Variants in PTH2R observed in about 807,000 individuals in gnomAD.
PTH2R encodes the protein parathyroid hormone 2 receptor, also known as PTH2 receptor.
Under a neutral mutation model 60.3 loss-of-function variants are expected in PTH2R, and 59 were observed. That is an observed-to-expected ratio of 0.98 (90% CI 0.79 to 1.22). PTH2R has a LOEUF of 1.22. Ranked by LOEUF, PTH2R falls within the 50% of genes most tolerant of loss-of-function variation. PTH2R has a pLI of 0.00. For synonymous variants in PTH2R, 256 were observed against 243.8 expected (o/e 1.05, Z -0.47); for missense variants, 749 against 682.6 (o/e 1.10, Z -1.08).
At chr2:208,434,392 GAGCAA>G (rs924371591) in intron 2 of PTH2R, among the ~76,000 whole-genome samples, 2 of 151,934 alleles carry the variant, frequency 1.3e-5, no homozygotes, top group Admixed American at 6.6e-5. Context: ...CTTTGTCAAA[GAGCAA>G]CCAAAAAAAT....
At chr2:208,409,065 G>A (rs1213955050) in intron 1 of PTH2R, among the ~76,000 whole-genome samples, 1 of 152,064 alleles carries the variant, frequency 6.6e-6, no homozygotes, top group Non-Finnish European at 1.5e-5. Flanking sequence ...TACATAGTTT[G>A]GAAGGCAAAA....
intron 1 of PTH2R, among the ~76,000 whole-genome samples, chr2:208,362,389 A>ATAGATAT (rs1700492365): frequency 1.3e-5 from 2 of 152,210 alleles, no homozygotes; most frequent in African/African-American, 4.8e-5. Flanking sequence ...TCAATCCCAT[A>ATAGATAT]GATAAATAGA....
At chr2:208,461,790 A>G (rs973060577) in intron 9 of PTH2R, among the ~76,000 whole-genome samples, 5 of 152,200 alleles carry the variant, frequency 3.3e-5, no homozygotes, top group African/African-American at 9.6e-5. Context: ...CACTCACATC[A>G]TCACCATGGA....
chr2:208,379,512 C>T (rs1004626685), intron 1 of PTH2R, among the ~76,000 whole-genome samples: 5 of 152,056 alleles, frequency 3.3e-5, no homozygotes, highest in South Asian at 2.1e-4. Context: ...ATCAAAAAGG[C>T]GAAGCAATGA....
chr2:208,440,378 T>C lies in PTH2R; in HGVS notation c.412-1986T>C, dbSNP rs61684886. Among the ~76,000 whole-genome samples the C allele has an allele frequency of 6.5e-3, 996 of 152,352 alleles. 9 individuals are homozygous for C. The highest frequency in any genetic ancestry group is 0.023 in the African/African-American group (942 of 41,590). ...CTCCTCTCTTTTATGTTTTACACAT[T>C]ATTCAAATATTTTCTATGAAAAGTT... is the stretch of plus-strand genomic sequence containing the variant. On this transcript the variant is annotated intron_variant, in intron 4 of 12. Coordinates refer to ENST00000272847, the MANE Select transcript of PTH2R (RefSeq NM_005048.4).
intron 12 of PTH2R, among the ~76,000 whole-genome samples, chr2:208,492,443 G>A (rs1703424752): frequency 6.6e-6 from 1 of 152,184 alleles, no homozygotes. Flanking sequence ...GGGAGGTGGA[G>A]TGTAAGGGCT....
At chr2:208,360,319 C>A in intron 1 of PTH2R, 1 of 326,142 alleles carries the variant, frequency 3.1e-6, no homozygotes, top group Non-Finnish European at 6.2e-6. Flanking sequence ...TAGGAACTTT[C>A]GCCACACCCG....
intron 1 of PTH2R, among the ~76,000 whole-genome samples, chr2:208,364,070 T>C (rs1700532649): frequency 6.6e-6 from 1 of 152,200 alleles, no homozygotes; most frequent in Non-Finnish European, 1.5e-5. Flanking sequence ...AAAAATAGAG[T>C]AATTTGATTA....
In PTH2R at chr2:208,457,271, G is replaced by T. The variant is rs374324037; in HGVS notation, c.915-2624G>T. On this transcript the variant is annotated intron_variant, in intron 8 of 12. Transcript: ENST00000272847. ...AGTAACATTGTCTTTTATCTTTCTT[G>T]TCTGGTTAAATAATGTGAAAAACAG... Among the ~76,000 whole-genome samples the T allele has an allele frequency of 1.6e-4, 25 of 152,246 alleles. No individual in the cohort carries two copies. The East Asian group carries it at 3.3e-3, about 20-fold the overall frequency.
intron 8 of PTH2R, among the ~76,000 whole-genome samples, chr2:208,457,679 G>C (rs1195386608): frequency 6.6e-6 from 1 of 152,320 alleles, no homozygotes; most frequent in African/African-American, 2.4e-5. Flanking sequence ...GGTGTTATCT[G>C]TAAGGAGAGG....
At chr2:208,419,632 T>C (rs1271372852) in intron 1 of PTH2R, among the ~76,000 whole-genome samples, 1 of 152,242 alleles carries the variant, frequency 6.6e-6, no homozygotes, top group Non-Finnish European at 1.5e-5. Context: ...CCCTAGGTTT[T>C]CTTCTAGGGT....
At position 208,371,183 on chromosome 2, in the gene PTH2R, A is replaced by G. The variant is rs770155832; in HGVS notation, c.-259+10946A>G. ...GACATTTTGAGGGGACAGATATCCAATATTCAAACCATATCACCACCAGAA... is the reference window on the plus strand; with the variant it reads ...GACATTTTGAGGGGACAGATATCCAGTATTCAAACCATATCACCACCAGAA... On this transcript the variant is annotated intron_variant, in intron 1 of 12. Coordinates refer to the PTH2R transcript ENST00000617735. 6.6e-5 allele frequency among the ~76,000 whole-genome samples: 10 copies of G among 152,168 alleles called. No individual in the cohort carries two copies. In the East Asian group the frequency reaches 1.7e-3, roughly 26 times the overall value.
chr2:208,493,422 G>T lies in PTH2R; in HGVS notation c.1416G>T (p.Val472=). The T allele has an allele frequency of 6.2e-7, 1 of 1,610,814 alleles. No individual in the cohort carries two copies. Among genetic ancestry groups the T allele is most frequent in the Non-Finnish European group, 8.5e-7 (1 of 1,177,934 alleles). The change falls in exon 13 of 13, where the codon GTG becomes GTT. Residue 472 remains valine, a synonymous_variant. Transcript: ENST00000272847. ...AGGTGGCGGCCAGCACACGCATGGT[G>T]CTTATCTCTGGCAAAGCTGCCAAGA... is the stretch of plus-strand genomic sequence containing the variant. ...QSQVAASTRM[V]LISGKAAKIA... is the part of the protein sequence containing the mutation.
At position 208,484,931 on chromosome 2, in the gene PTH2R, G is replaced by A. The variant is rs1314525077; in HGVS notation, c.1076+3767G>A. ...TGTAACAGGAGCATGGTGCTTAATG[G>A]CCAGTAGTGTCATGCTGAGTGCCCT... On this transcript the variant is annotated intron_variant, in intron 10 of 12. Transcript: ENST00000272847. Among the ~76,000 whole-genome samples the A allele has an allele frequency of 2.0e-5, 3 of 152,136 alleles. No homozygotes were observed. The East Asian group carries it at 5.8e-4, about 29-fold the overall frequency.
chr2:208,366,020 A>G (rs1341476772), intron 1 of PTH2R, among the ~76,000 whole-genome samples: 6 of 89,314 alleles, frequency 6.7e-5, no homozygotes, highest in African/African-American at 2.6e-4. Flanking sequence ...AGGTCTTGCT[A>G]TGTTGCCCAG....
At chr2:208,431,457 G>T (rs1425524452) in intron 2 of PTH2R, among the ~76,000 whole-genome samples, 2 of 152,164 alleles carry the variant, frequency 1.3e-5, no homozygotes, top group African/African-American at 2.4e-5. Context: ...CTTGTTTAAA[G>T]AACATTTCTT....
At chr2:208,409,930 A>G (rs956388049) in intron 1 of PTH2R, among the ~76,000 whole-genome samples, 3 of 152,050 alleles carry the variant, frequency 2.0e-5, no homozygotes, top group African/African-American at 7.3e-5. Context: ...TTAGGGGAGG[A>G]GGTAATGCTT....
At chr2:208,440,318 C>A (rs1327974216) in intron 4 of PTH2R, among the ~76,000 whole-genome samples, 2 of 152,126 alleles carry the variant, frequency 1.3e-5, no homozygotes, top group African/African-American at 4.8e-5. Context: ...AACAGTGTTT[C>A]TTTCTGATTG....
At chr2:208,450,860 C>T in intron 8 of PTH2R, 51 bp downstream of exon 8, 21 of 1,573,144 alleles carry the variant, frequency 1.3e-5, no homozygotes, top group Non-Finnish European at 1.8e-5. Context: ...TCTCAAGACT[C>T]AGGCTTCCTG....
Sources: gnomAD v4.1 joint callset for allele counts (sites outside exome capture counted in the v4.1 genomes callset) on GRCh38, gnomAD v4.1.1 for gene constraint, MANE v1.5 for transcripts, NCBI Gene and HGNC (gene_info 2026-07-23, HGNC 2026-07-21) for gene names.